Variants in ATXN7L1 observed in about 807,000 individuals in gnomAD.
The protein encoded by ATXN7L1 is ataxin 7 like 1.
In ATXN7L1, 15 loss-of-function variants were observed where a neutral mutation model predicts 70.8. That is an observed-to-expected ratio of 0.21 (90% CI 0.14 to 0.33). The LOEUF is 0.33. Ranked by LOEUF, ATXN7L1 falls within the 10% of genes least tolerant of loss-of-function variation. The pLI is 1.00. For synonymous variants in ATXN7L1, 440 were observed against 445.1 expected (o/e 0.99, Z 0.14); for missense variants, 975 against 1,097.1 (o/e 0.89, Z 1.57).
chr7:105,624,391 C>T (rs1795369283), intron 7 of ATXN7L1, 124 bp from the exon 8 acceptor site: 6 of 989,992 alleles, frequency 6.1e-6, no homozygotes, highest in African/African-American at 1.7e-5. Flanking sequence ...GTGGCTCACG[C>T]CTGTAATCCC....
At chr7:105,645,640 CAA>C (rs34135377) in intron 4 of ATXN7L1, among the ~76,000 whole-genome samples, 78 of 124,066 alleles carry the variant, frequency 6.3e-4, no homozygotes, top group East Asian at 3.9e-3. Flanking sequence ...GCTAAAAATC[CAA>C]AAAAAAAAAA....
At chr7:105,853,322 G>A (rs1376116583) in intron 2 of ATXN7L1, among the ~76,000 whole-genome samples, 1 of 152,256 alleles carries the variant, frequency 6.6e-6, no homozygotes, top group Admixed American at 6.5e-5. Flanking sequence ...GCCGAGGCGT[G>A]TAGATCACCT....
chr7:105,633,214 C>T (rs1399712005), intron 7 of ATXN7L1, among the ~76,000 whole-genome samples: 4 of 152,066 alleles, frequency 2.6e-5, no homozygotes, highest in African/African-American at 2.4e-5. Context: ...ATTGACCTCC[C>T]ACAAATCTTT....
chr7:105,861,077 A>T (rs1816564720), intron 2 of ATXN7L1, among the ~76,000 whole-genome samples: 1 of 151,692 alleles, frequency 6.6e-6, no homozygotes. Context: ...GGGAAGGAGG[A>T]TGAGGGGCAA....
chr7:105,633,300 C>T (rs1796874452), intron 7 of ATXN7L1, among the ~76,000 whole-genome samples: 2 of 152,164 alleles, frequency 1.3e-5, no homozygotes, highest in African/African-American at 4.8e-5. Context: ...TCACTTGGAT[C>T]CAGGAAACAG....
rs1159327798 is a variant in ATXN7L1 at position 105,630,824 on chromosome 7, T to C, written c.1203-6557A>G. On this transcript the variant is annotated intron_variant, in intron 7 of 11. Transcript: ENST00000419735. The stretch of plus-strand genomic sequence containing the variant: ...TATGCATGTGTGGGCAGGAGGTATA[T>C]AGGAAACGTGTACCTTCTGCTCAAT... Among the ~76,000 whole-genome samples the C allele has an allele frequency of 7.9e-5, 12 of 152,208 alleles. No individual in the cohort carries two copies. In the South Asian group the frequency reaches 1.3e-3, roughly 16 times the overall value.
chr7:105,869,945 T>C (rs1461570258), intron 2 of ATXN7L1, among the ~76,000 whole-genome samples: 1 of 152,216 alleles, frequency 6.6e-6, no homozygotes, highest in Admixed American at 6.5e-5. Context: ...CGACAGCTAT[T>C]GATAAAACTT....
In ATXN7L1 at chr7:105,733,561, TCCA is replaced by T. The variant is rs1563048680; in HGVS notation, c.355+55040_355+55042del. Among the ~76,000 whole-genome samples, 248 of 48,138 alleles carry T rather than the reference TCCA, an allele frequency of 5.2e-3. 13 individuals carry two copies. The highest frequency in any genetic ancestry group is 7.6e-3 in the African/African-American group (102 of 13,402). The allele number at this position is 48,138 out of a possible 152,430, so 31.6% of individuals were successfully genotyped here. On this transcript the variant is annotated intron_variant, in intron 3 of 11. Transcript: ENST00000419735. ...ATCCACCCATCCATCCATCCACCCA[TCCA>T]TCCTTCCATCCATCCACCCATCCAT... is the stretch of plus-strand genomic sequence containing the variant.
rs1450708504 is a variant in ATXN7L1, at chr7:105,671,918, A to AT, written c.356-6631dup. Among the ~76,000 whole-genome samples the AT allele has an allele frequency of 6.1e-5, 8 of 131,532 alleles. No individual in the cohort carries two copies. In the East Asian group the frequency reaches 9.0e-4, roughly 15 times the overall value. 86.3% of individuals were successfully genotyped at this position (131,532 alleles called of 152,430 possible). A position where few individuals can be genotyped will look rare whatever the true frequency, so the allele number is the denominator to read the frequency against. ...AAAAAAAAAAAAAAAAAAAAAAAGA[A>AT]TTTTTTTTTCTTATGTGCCAGGCAC... On this transcript the variant is annotated intron_variant, in intron 3 of 11. Coordinates refer to ENST00000419735, the MANE Select transcript of ATXN7L1 (RefSeq NM_020725.2).
rs1007778494 is a variant in ATXN7L1, at chr7:105,641,921, T to A, written c.862+917A>T. Among the ~76,000 whole-genome samples, 5 of 152,194 alleles carry A rather than the reference T, an allele frequency of 3.3e-5. No individual in the cohort carries two copies. The Middle Eastern group carries it at 0.01, about 311-fold the overall frequency. ...CTACAGACAAATACAGAGTAGACAATAAAAATTACCCACAATTCCTTGGGT... is the reference window on the plus strand; with the variant it reads ...CTACAGACAAATACAGAGTAGACAAAAAAAATTACCCACAATTCCTTGGGT... On this transcript the variant is annotated intron_variant, in intron 5 of 11. Transcript: ENST00000419735.
intron 2 of ATXN7L1, among the ~76,000 whole-genome samples, chr7:105,867,546 G>C (rs1417108825): frequency 6.6e-6 from 1 of 152,196 alleles, no homozygotes; most frequent in Non-Finnish European, 1.5e-5. Flanking sequence ...GTTTGGAAGA[G>C]TCATCTTGGG....
intron 3 of ATXN7L1, among the ~76,000 whole-genome samples, chr7:105,725,838 T>A (rs908472855): frequency 1.9e-4 from 28 of 149,686 alleles, no homozygotes; most frequent in Non-Finnish European, 3.1e-4. Context: ...GCCTTGGCTT[T>A]CCATAGTGTT....
rs1792783096 is a variant in ATXN7L1 at position 105,606,817 on chromosome 7, T to G, written c.*1035A>C. 6.6e-6 allele frequency: 1 copy of G among 152,220 alleles called. No individual in the cohort carries two copies. The highest frequency in any genetic ancestry group is 1.5e-5 in the Non-Finnish European group (1 of 68,046). 9.4% of individuals were successfully genotyped at this position (152,220 alleles called of 1,614,324 possible). On this transcript the variant is annotated 3_prime_UTR_variant, in exon 12 of 12. Coordinates refer to ENST00000419735, the MANE Select transcript of ATXN7L1 (RefSeq NM_020725.2). ...GCTATTATTTATTCTGACAAAAGGT[T>G]TGACACATACCCTTTTGTGGAAGCT...
intron 4 of ATXN7L1, among the ~76,000 whole-genome samples, chr7:105,660,223 C>T (rs112351830): frequency 6.6e-6 from 1 of 152,138 alleles, no homozygotes; most frequent in African/African-American, 2.4e-5. Flanking sequence ...CCCCCCGAGC[C>T]ATCATTCTAC....
intron 4 of ATXN7L1, among the ~76,000 whole-genome samples, chr7:105,662,031 CT>C (rs1801718270): frequency 3.3e-5 from 2 of 60,834 alleles, no homozygotes; most frequent in African/African-American, 8.5e-5. Context: ...TCTTTCTTTC[CT>C]TCCTTCCTTC....
intron 3 of ATXN7L1, among the ~76,000 whole-genome samples, chr7:105,676,921 TA>T (rs1562991288): frequency 6.6e-6 from 1 of 152,086 alleles, no homozygotes; most frequent in Non-Finnish European, 1.5e-5. Flanking sequence ...AATTTTAAAA[TA>T]AATACATAAA....
intron 4 of ATXN7L1, among the ~76,000 whole-genome samples, chr7:105,656,804 C>A (rs1271865893): frequency 6.6e-6 from 1 of 152,194 alleles, no homozygotes; most frequent in African/African-American, 2.4e-5. Context: ...CTCCTGACTT[C>A]AGGTGGTCCA....
At chr7:105,655,588 C>T (rs1404465293) in intron 4 of ATXN7L1, among the ~76,000 whole-genome samples, 1 of 152,166 alleles carries the variant, frequency 6.6e-6, no homozygotes, top group African/African-American at 2.4e-5. Flanking sequence ...TCGTATTTCA[C>T]AGCCTGAGAC....
rs1322960477 is a variant in ATXN7L1 at position 105,624,222 on chromosome 7, A to C, written c.1248T>G (p.His416Gln). The change falls in exon 8 of 12, where the codon CAT (histidine) becomes CAG (glutamine). Residue 416 changes from histidine to glutamine, a missense_variant. Transcript: ENST00000419735. ...NSISSSTSSN[H>Q]SGHTPEPPLP... ...GTGGGGGCTCTGGAGTGTGGCCGCT[A>C]TGATTTGAAGATGTGCTGCTGCTTA... 6.6e-7 allele frequency: 1 copy of C among 1,508,346 alleles called. No individual in the cohort carries two copies. Among genetic ancestry groups the C allele is most frequent in the African/African-American group, 1.4e-5 (1 of 71,260 alleles). The allele number at this position is 1,508,346 out of a possible 1,614,324, so 93.4% of individuals were successfully genotyped here. A position where few individuals can be genotyped will look rare whatever the true frequency, so the allele number is the denominator to read the frequency against.
Sources: gnomAD v4.1 joint callset for allele counts (sites outside exome capture counted in the v4.1 genomes callset) on GRCh38, gnomAD v4.1.1 for gene constraint, MANE v1.5 for transcripts, NCBI Gene and HGNC (gene_info 2026-07-23, HGNC 2026-07-21) for gene names.